PRKG1: variants seen among roughly 807,000 people sequenced by gnomAD.
PRKG1 encodes cGMP-dependent protein kinase 1.
In PRKG1, 35 loss-of-function variants were observed where a neutral mutation model predicts 88.1. That is an observed-to-expected ratio of 0.40 (90% confidence interval 0.30 to 0.53). The LOEUF (loss-of-function observed/expected upper bound fraction) is 0.53, where lower values mean the gene tolerates loss of function less well. Ranked by LOEUF, PRKG1 falls within the 20% of genes least tolerant of loss-of-function variation. The pLI is 0.59. For missense variants in PRKG1, 540 were observed against 839.8 expected (o/e 0.64, Z 4.41); for synonymous variants, 303 against 292.5 (o/e 1.04, Z -0.37).
intron 2 of PRKG1, among the ~76,000 whole-genome samples, chr10:51,377,041 T>G (rs1370790015): frequency 6.6e-6 from 1 of 152,132 alleles, no homozygotes; most frequent in East Asian, 1.9e-4. Context: ...GTCCATAGAT[T>G]GTGTTATTTC....
At chr10:52,131,527 G>A (rs1206521128) in intron 7 of PRKG1, among the ~76,000 whole-genome samples, 2 of 151,880 alleles carry the variant, frequency 1.3e-5, no homozygotes, top group East Asian at 3.9e-4. Context: ...AAGAACTCGT[G>A]GCAGGAGGGC....
intron 2 of PRKG1, among the ~76,000 whole-genome samples, chr10:51,386,777 G>A (rs761278622): frequency 5.9e-5 from 9 of 151,960 alleles, no homozygotes; most frequent in Middle Eastern, 3.4e-3. Context: ...AATCATCACA[G>A]CACTCTTGTA....
chr10:51,572,240 A>G (rs1268404723), intron 3 of PRKG1, among the ~76,000 whole-genome samples: 1 of 151,920 alleles, frequency 6.6e-6, no homozygotes, highest in Non-Finnish European at 1.5e-5. Flanking sequence ...CATGTCAGCC[A>G]TACACTGTGC....
chr10:51,881,406 G>C (rs867548981), intron 4 of PRKG1, among the ~76,000 whole-genome samples: 1 of 152,200 alleles, frequency 6.6e-6, no homozygotes, highest in Non-Finnish European at 1.5e-5. Flanking sequence ...GCATTCAGCT[G>C]TGAGCTCAGC....
intron 5 of PRKG1, among the ~76,000 whole-genome samples, chr10:51,973,028 A>G (rs1342776590): frequency 6.6e-6 from 1 of 152,126 alleles, no homozygotes; most frequent in African/African-American, 2.4e-5. Context: ...AGGGTTCCCT[A>G]GTGGGACCCA....
chr10:52,242,404 G>A (rs1840889265), intron 9 of PRKG1, among the ~76,000 whole-genome samples: 1 of 152,180 alleles, frequency 6.6e-6, no homozygotes, highest in African/African-American at 2.4e-5. Context: ...GAATAAAGTT[G>A]AGAACTTCAT....
At chr10:52,138,550 G>A (rs896901561) in intron 8 of PRKG1, among the ~76,000 whole-genome samples, 2 of 151,934 alleles carry the variant, frequency 1.3e-5, no homozygotes, top group Non-Finnish European at 2.9e-5. Flanking sequence ...TGGGACCCTA[G>A]AAGACACTAA....
chr10:51,240,308 T>C (rs1368532166), intron 2 of PRKG1, among the ~76,000 whole-genome samples: 1 of 152,174 alleles, frequency 6.6e-6, no homozygotes, highest in Non-Finnish European at 1.5e-5. Context: ...CCTCTCAGCA[T>C]TTCTATGTTT....
intron 4 of PRKG1, among the ~76,000 whole-genome samples, chr10:51,887,881 A>T (rs963776223): frequency 4.6e-5 from 7 of 152,044 alleles, no homozygotes; most frequent in African/African-American, 1.7e-4. Flanking sequence ...TTGTGGGGAG[A>T]AGGAAATAGG....
chr10:51,408,052 G>A (rs1309373682), intron 2 of PRKG1, among the ~76,000 whole-genome samples: 1 of 152,190 alleles, frequency 6.6e-6, no homozygotes, highest in Non-Finnish European at 1.5e-5. Context: ...GGAACAGGAA[G>A]CAAAAATTTT....
chr10:51,068,399 A>G (rs1422876204), intron 1 of PRKG1: 3 of 151,954 alleles, frequency 2.0e-5, no homozygotes, highest in African/African-American at 4.8e-5. Flanking sequence ...CTCTTGCCCA[A>G]TGCAGTCATT....
At chr10:51,345,951 C>A (rs1842104178) in intron 2 of PRKG1, among the ~76,000 whole-genome samples, 1 of 152,154 alleles carries the variant, frequency 6.6e-6, no homozygotes, top group Admixed American at 6.5e-5. Context: ...ATGTTCAGTA[C>A]AGATAGCATT....
In PRKG1 at chr10:51,186,633, C is replaced by T. The variant is rs116246761; in HGVS notation, c.478+33303C>T. The stretch of plus-strand genomic sequence containing the variant: ...TGTTTCCAGACTTTCTAATTTTATA[C>T]CATAGACAGTGCTTCTACAAATGTG... On this transcript the variant is annotated intron_variant, in intron 2 of 17. Coordinates refer to ENST00000373980, the MANE Select transcript of PRKG1 (RefSeq NM_006258.4). Among the ~76,000 whole-genome samples, 714 of 151,936 alleles carry T rather than the reference C, an allele frequency of 4.7e-3. 10 individuals carry two copies. The highest frequency in any genetic ancestry group is 0.016 in the African/African-American group (660 of 41,448).
intron 2 of PRKG1, among the ~76,000 whole-genome samples, chr10:51,367,853 C>A (rs1435633960): frequency 6.6e-6 from 1 of 151,930 alleles, no homozygotes; most frequent in Non-Finnish European, 1.5e-5. Flanking sequence ...TAGATCTTTT[C>A]TGTTGACATT....
In PRKG1 at chr10:51,400,688, C is replaced by G. The variant is rs190317982; in HGVS notation, c.479-67035C>G. ...GCGTTTCTGTTTAAATTGAAACTCC[C>G]GGCACAAATGTTTTCCCTTTGTTTG... On this transcript the variant is annotated intron_variant, in intron 2 of 17. Coordinates refer to ENST00000373980, the MANE Select transcript of PRKG1 (RefSeq NM_006258.4). 5.4e-3 allele frequency among the ~76,000 whole-genome samples: 820 copies of G among 152,286 alleles called. 4 individuals carry two copies. The highest frequency in any genetic ancestry group is 8.6e-3 in the Non-Finnish European group (586 of 68,006).
intron 10 of PRKG1, among the ~76,000 whole-genome samples, chr10:52,255,014 T>C (rs1841275083): frequency 6.6e-6 from 1 of 152,130 alleles, no homozygotes; most frequent in Non-Finnish European, 1.5e-5. Context: ...TTCTGTTTTC[T>C]GGCATGTGCC....
intron 3 of PRKG1, among the ~76,000 whole-genome samples, chr10:51,685,648 T>A (rs1185206430): frequency 6.6e-6 from 1 of 152,170 alleles, no homozygotes; most frequent in East Asian, 1.9e-4. Flanking sequence ...TATATCAATA[T>A]GTTATATTTC....
At chr10:51,145,258 T>G (rs1845916755) in intron 1 of PRKG1, among the ~76,000 whole-genome samples, 1 of 152,176 alleles carries the variant, frequency 6.6e-6, no homozygotes, top group Non-Finnish European at 1.5e-5. Flanking sequence ...ACAAATGAGT[T>G]CTGAGAAATT....
intron 3 of PRKG1, among the ~76,000 whole-genome samples, chr10:51,750,010 G>A (rs373140291): frequency 6.8e-6 from 1 of 147,696 alleles, no homozygotes; most frequent in African/African-American, 2.5e-5. Flanking sequence ...ATCTTGGCTC[G>A]CTGCAACCTC....
Sources: gnomAD v4.1 joint callset for allele counts (sites outside exome capture counted in the v4.1 genomes callset) on GRCh38, gnomAD v4.1.1 for gene constraint, MANE v1.5 for transcripts, NCBI Gene and HGNC (gene_info 2026-07-23, HGNC 2026-07-21) for gene names.